LARS2: variants seen among roughly 807,000 people sequenced by gnomAD.
The protein encoded by LARS2 is leucine--tRNA ligase, mitochondrial.
A neutral mutation model predicts 116.6 loss-of-function variants in LARS2; 81 were observed. That is an observed-to-expected ratio of 0.69 (90% CI 0.58 to 0.84). The LOEUF (loss-of-function observed/expected upper bound fraction) is 0.84, where lower values mean the gene tolerates loss of function less well. Among genes scored for constraint, LARS2 ranks in the 40% least tolerant of loss-of-function variants. LARS2 has a pLI of 0.00. For synonymous variants in LARS2, 396 were observed against 407.2 expected (o/e 0.97, Z 0.33); for missense variants, 968 against 1,114.5 (o/e 0.87, Z 1.87).
At position 45,394,654 on chromosome 3, in the gene LARS2, A is replaced by G; in HGVS notation, c.201A>G (p.Ile67Met). The G allele has an allele frequency of 6.2e-7, 1 of 1,614,142 alleles. No homozygotes were observed. The highest frequency in any genetic ancestry group is 8.5e-7 in the Non-Finnish European group (1 of 1,179,942). The change falls in exon 3 of 22, where the codon ATA becomes ATG. Residue 67 changes from isoleucine to methionine, a missense_variant. By Grantham distance (10) the Ile-to-Met change is conservative. Coordinates refer to ENST00000645846, the MANE Select transcript of LARS2 (RefSeq NM_015340.4). ...TTGAGAAATGGTGGCATCAACGAAT[A>G]AAAGAACAGGCCTCCAAAATTTCAG... Reference protein sequence around the residue: ...KDVEKWWHQRIKEQASKISEA... With the variant: ...KDVEKWWHQRMKEQASKISEA...
At chr3:45,411,850 C>T (rs1410494262) in intron 4 of LARS2, among the ~76,000 whole-genome samples, 1 of 152,162 alleles carries the variant, frequency 6.6e-6, no homozygotes, top group African/African-American at 2.4e-5. Flanking sequence ...CTCCCACCCA[C>T]CACCCTCAGG....
Position 45,545,040 on chromosome 3 carries a change from T to C in LARS2, c.2533-2311T>C, listed in dbSNP as rs956570887. ...GTGTGTGAGCAGGAGAGAGAGGGGC[T>C]GTGTCAGGTCATCCCGTCTCTTCCA... On this transcript the variant is annotated intron_variant, in intron 21 of 21. Transcript: ENST00000645846. Among the ~76,000 whole-genome samples, 3 of 152,144 alleles carry C rather than the reference T, an allele frequency of 2.0e-5. No homozygotes were observed. The East Asian group carries it at 5.8e-4, about 29-fold the overall frequency.
At chr3:45,445,941 G>GC (rs1699011004) in intron 6 of LARS2, among the ~76,000 whole-genome samples, 1 of 152,124 alleles carries the variant, frequency 6.6e-6, no homozygotes, top group Admixed American at 6.6e-5. Flanking sequence ...AGGCGTGGTG[G>GC]CACACACCTG....
chr3:45,521,220 G>A (rs1235912279), intron 19 of LARS2, among the ~76,000 whole-genome samples: 1 of 152,178 alleles, frequency 6.6e-6, no homozygotes, highest in African/African-American at 2.4e-5. Context: ...CAGGAGAATG[G>A]TGTGAACCCA....
chr3:45,423,569 G>A (rs1559464009), intron 6 of LARS2, among the ~76,000 whole-genome samples: 3 of 151,870 alleles, frequency 2.0e-5, no homozygotes, highest in Non-Finnish European at 2.9e-5. Flanking sequence ...GTGCCTGGCC[G>A]GTTTACTGTT....
intron 1 of LARS2, among the ~76,000 whole-genome samples, 166 bp from the exon 2 acceptor site, chr3:45,391,417 G>A (rs1397875116): frequency 2.0e-5 from 3 of 151,398 alleles, no homozygotes; most frequent in South Asian, 4.2e-4. Context: ...CCCGGGAGGC[G>A]GAGGTTGCAG....
At chr3:45,448,787 T>C (rs1226348713) in intron 7 of LARS2, among the ~76,000 whole-genome samples, 5 of 152,196 alleles carry the variant, frequency 3.3e-5, no homozygotes, top group African/African-American at 7.2e-5. Context: ...TAAGTGGTTT[T>C]CCCCCCTGGG....
chr3:45,477,289 A>G (rs575918940), intron 10 of LARS2, among the ~76,000 whole-genome samples: 1 of 152,342 alleles, frequency 6.6e-6, no homozygotes, highest in East Asian at 1.9e-4. Context: ...GCCCGTTGCT[A>G]GAGGAACAGC....
chr3:45,506,477 T>C (rs903915438), intron 15 of LARS2, among the ~76,000 whole-genome samples: 11 of 152,130 alleles, frequency 7.2e-5, no homozygotes, highest in African/African-American at 2.4e-4. Context: ...ACCACATGTG[T>C]ATTTCTGAAA....
chr3:45,431,187 C>T (rs1310777578), intron 6 of LARS2, among the ~76,000 whole-genome samples: 1 of 152,218 alleles, frequency 6.6e-6, no homozygotes, highest in Non-Finnish European at 1.5e-5. Context: ...AGAACCCAAT[C>T]AGCCAGCCCC....
chr3:45,456,336 A>C lies in LARS2; in HGVS notation c.607-2407A>C, dbSNP rs1559475052. Among the ~76,000 whole-genome samples the C allele has an allele frequency of 2.6e-5, 4 of 152,342 alleles. No homozygotes were observed. The South Asian group carries it at 8.3e-4, about 32-fold the overall frequency. ...GGTGACTCACGCCTGTAATCCCAGC[A>C]CTTTGGGAGGCTGAAGCAGGCAGAT... is the stretch of plus-strand genomic sequence containing the variant. On this transcript the variant is annotated intron_variant, in intron 7 of 21. Coordinates refer to ENST00000645846, the MANE Select transcript of LARS2 (RefSeq NM_015340.4).
At chr3:45,481,374 A>G (rs1220880639) in intron 10 of LARS2, among the ~76,000 whole-genome samples, 2 of 152,224 alleles carry the variant, frequency 1.3e-5, no homozygotes, top group East Asian at 3.8e-4. Flanking sequence ...TTCTTTGGCA[A>G]TATACCTAGG....
intron 7 of LARS2, among the ~76,000 whole-genome samples, chr3:45,457,767 T>C (rs1259075775): frequency 6.6e-6 from 1 of 152,224 alleles, no homozygotes; most frequent in Non-Finnish European, 1.5e-5. Context: ...CCCTTCTTTG[T>C]ACCAAGTGGT....
intron 5 of LARS2, 144 bp from the exon 6 acceptor site, chr3:45,419,525 A>G (rs534939764): frequency 3.1e-6 from 2 of 653,030 alleles, no homozygotes; most frequent in Non-Finnish European, 5.4e-6. Flanking sequence ...TTAGTGGTTG[A>G]TTTTTCTGCT....
Position 45,476,460 on chromosome 3 carries a change from A to G in LARS2, c.859-8A>G, listed in dbSNP as rs757065034. 1.2e-6 allele frequency: 2 copies of G among 1,614,134 alleles called. No individual in the cohort carries two copies. The highest frequency in any genetic ancestry group is 1.7e-6 in the Non-Finnish European group (2 of 1,179,980). ...AGAAATGACATCACTCTTCTTTCCT[A>G]TCACCAGGTTCATGGGCAAGCCACG... On this transcript the variant is annotated splice_region_variant and splice_polypyrimidine_tract_variant and intron_variant, in intron 9 of 21. Transcript: ENST00000645846.
chr3:45,498,224 CCA>C (rs1285434772), intron 14 of LARS2, among the ~76,000 whole-genome samples: 7 of 152,216 alleles, frequency 4.6e-5, no homozygotes, highest in Admixed American at 2.0e-4. Context: ...GTCACAGCCC[CCA>C]GTTTGTGAAC....
chr3:45,544,246 C>A (rs1343704536), intron 21 of LARS2, among the ~76,000 whole-genome samples: 1 of 152,222 alleles, frequency 6.6e-6, no homozygotes, highest in African/African-American at 2.4e-5. Context: ...CGCCTTGTCA[C>A]CTTGGAACAA....
chr3:45,469,089 C>A (rs1277446578), intron 8 of LARS2, among the ~76,000 whole-genome samples: 2 of 152,150 alleles, frequency 1.3e-5, no homozygotes, highest in Non-Finnish European at 1.5e-5. Context: ...TAGCAGGATG[C>A]CTTGCTCCGA....
intron 6 of LARS2, among the ~76,000 whole-genome samples, chr3:45,444,004 C>CTA (rs1553630951): frequency 1.5e-5 from 2 of 133,244 alleles, no homozygotes; most frequent in Non-Finnish European, 3.2e-5. Context: ...GATCTATCCT[C>CTA]TTTTTTTTTT....
Sources: allele counts gnomAD v4.1 joint callset (sites outside exome capture counted in the v4.1 genomes callset), GRCh38; gene constraint gnomAD v4.1.1; transcripts MANE v1.5; gene names NCBI Gene and HGNC (gene_info 2026-07-23, HGNC 2026-07-21).